The following PCSK5 variants were observed in gnomAD, a reference collection of about 807,000 sequenced individuals.
PCSK5 encodes the protein prohormone convertase 5.
In PCSK5, 129 loss-of-function variants were observed where a neutral mutation model predicts 233.2. That is an observed-to-expected ratio of 0.55 (90% CI 0.48 to 0.64). PCSK5 has a LOEUF of 0.64. PCSK5 is among the 30% of genes least tolerant of loss of function. The probability of loss-of-function intolerance (pLI) is 0.00; values close to 1 mark genes in which losing one functional copy is unlikely to be tolerated. For missense variants in PCSK5, 2,076 were observed against 2,430.1 expected, an observed-to-expected ratio of 0.85 and a Z score of 3.06; for synonymous variants, 825 against 879.2, an observed-to-expected ratio of 0.94 and a Z score of 1.09.
intron 4 of PCSK5, among the ~76,000 whole-genome samples, chr9:76,024,489 A>G (rs1385683111): frequency 3.3e-5 from 5 of 152,232 alleles, no homozygotes; most frequent in Non-Finnish European, 4.4e-5. Context: ...TGATAGGAGA[A>G]TAAACTGTAG....
At chr9:76,051,599 C>CAAA (rs553624468) in intron 5 of PCSK5, among the ~76,000 whole-genome samples, 2 of 143,116 alleles carry the variant, frequency 1.4e-5, no homozygotes, top group Admixed American at 1.4e-4. Flanking sequence ...GACAGATGTC[C>CAAA]AAAAAAAAAA....
At chr9:76,006,559 A>ACCGTTTCTGTCTCTTT in intron 3 of PCSK5, among the ~76,000 whole-genome samples, 1 of 151,970 alleles carries the variant, frequency 6.6e-6, no homozygotes, top group African/African-American at 2.4e-5. Flanking sequence ...ATCCTGTTTT[A>ACCGTTTCTGTCTCTTT]CCGTTTCTGT....
chr9:76,279,167 G>GT (rs905311547), intron 24 of PCSK5, among the ~76,000 whole-genome samples: 8 of 147,342 alleles, frequency 5.4e-5, no homozygotes, highest in African/African-American at 2.0e-4. Flanking sequence ...GCGGTGTTTG[G>GT]TTTTTTGTTC....
intron 1 of PCSK5, among the ~76,000 whole-genome samples, chr9:75,904,568 A>G (rs1160248943): frequency 6.6e-6 from 1 of 152,222 alleles, no homozygotes; most frequent in East Asian, 1.9e-4. Context: ...AGGGAAATGT[A>G]AGTCAAACCT....
Position 76,292,275 on chromosome 9 carries a change from G to A in PCSK5, c.3185G>A (p.Arg1062Lys), listed in dbSNP as rs1828303096. 1 of 1,557,548 alleles carries A rather than the reference G, an allele frequency of 6.4e-7. No homozygotes were observed. The highest frequency in any genetic ancestry group is 8.8e-7 in the Non-Finnish European group (1 of 1,130,212). ...TCTSCAMGYY[R>K]FDHHCYKTCP... ...ACATCTTGCGCTATGGGGTATTACA[G>A]GTAAGTCTGGTCTTCCTTTTCATGG... is the stretch of plus-strand genomic sequence containing the variant. The change falls in exon 25 of 38, where the codon AGG becomes AAG. Residue 1062 changes from arginine (R) to lysine (K), a missense_variant and splice_region_variant. This residue lies in a region of PCSK5 where 1,510 missense variants were observed against 1,538.1 expected (regional missense o/e 0.98). Coordinates refer to ENST00000674117, the MANE Select transcript of PCSK5 (RefSeq NM_001372043.1).
intron 1 of PCSK5, among the ~76,000 whole-genome samples, chr9:75,930,201 G>A (rs537286829): frequency 1.3e-5 from 2 of 152,210 alleles, no homozygotes; most frequent in East Asian, 1.9e-4. Context: ...AGAACAGTAT[G>A]GGGGGAACCC....
At chr9:76,089,586 A>T (rs1358044949) in intron 7 of PCSK5, among the ~76,000 whole-genome samples, 1 of 152,238 alleles carries the variant, frequency 6.6e-6, no homozygotes, top group Non-Finnish European at 1.5e-5. Flanking sequence ...GTATCCAGGC[A>T]CATATTAATA....
At chr9:76,125,691 A>G (rs921429838) in intron 9 of PCSK5, among the ~76,000 whole-genome samples, 1 of 152,196 alleles carries the variant, frequency 6.6e-6, no homozygotes, top group Non-Finnish European at 1.5e-5. Flanking sequence ...GTAGTAAGAA[A>G]GAGGGTTGTA....
intron 1 of PCSK5, among the ~76,000 whole-genome samples, chr9:75,929,706 A>G (rs1034528630): frequency 3.9e-5 from 6 of 152,140 alleles, no homozygotes; most frequent in Non-Finnish European, 7.3e-5. Context: ...GACAATTTAC[A>G]AAGGAAAGAG....
chr9:76,150,813 G>C (rs138793614), intron 10 of PCSK5, among the ~76,000 whole-genome samples: 3 of 152,056 alleles, frequency 2.0e-5, no homozygotes, highest in Admixed American at 6.6e-5. Context: ...ATAAGAGTAC[G>C]CGAAGAAGAG....
intron 24 of PCSK5, among the ~76,000 whole-genome samples, chr9:76,241,534 A>T (rs1009791924): frequency 6.6e-6 from 1 of 152,212 alleles, no homozygotes; most frequent in Non-Finnish European, 1.5e-5. Context: ...GTGGAGTTGA[A>T]TTCCCCATCA....
chr9:75,981,150 T>C (rs1024429104), intron 2 of PCSK5, among the ~76,000 whole-genome samples: 6 of 152,238 alleles, frequency 3.9e-5, no homozygotes, highest in Non-Finnish European at 8.8e-5. Context: ...ATTAATCTCG[T>C]ATCTTCACAG....
chr9:75,903,357 T>C (rs1206325438), intron 1 of PCSK5, among the ~76,000 whole-genome samples: 2 of 151,822 alleles, frequency 1.3e-5, no homozygotes, highest in Admixed American at 6.6e-5. Flanking sequence ...AAAAGAAGTA[T>C]TTAAGTTTCT....
Position 76,253,079 on chromosome 9 carries a change from GTGGCTGAT to G in PCSK5, c.3142+12398_3142+12405del, listed in dbSNP as rs554899910. Reference sequence around the variant, plus strand: ...TTTGTCTCCTTTAAATTGGAAGGAAGTGGCTGATTGTAAAACCGCTGCTCAGCATTCAT... The same window carrying G: ...TTTGTCTCCTTTAAATTGGAAGGAAGTGTAAAACCGCTGCTCAGCATTCAT... On this transcript the variant is annotated intron_variant, in intron 24 of 37. Coordinates refer to ENST00000674117, the MANE Select transcript of PCSK5 (RefSeq NM_001372043.1). 3.4e-4 allele frequency among the ~76,000 whole-genome samples: 52 copies of G among 152,284 alleles called. No homozygotes were observed. The East Asian group carries it at 0.01, about 29-fold the overall frequency.
chr9:76,064,124 T>C (rs1206473250), intron 5 of PCSK5, among the ~76,000 whole-genome samples: 1,625 of 61,346 alleles, frequency 0.026, 2 homozygotes, highest in East Asian at 0.048. Flanking sequence ...GGCGGCTGGC[T>C]GGGCGGAGGG....
At chr9:76,070,425 T>C (rs1564008673) in intron 6 of PCSK5, among the ~76,000 whole-genome samples, 1 of 152,198 alleles carries the variant, frequency 6.6e-6, no homozygotes, top group Non-Finnish European at 1.5e-5. Flanking sequence ...CCAAATGCAA[T>C]GTCTTTAGAG....
At chr9:76,076,262 T>C (rs911994861) in intron 7 of PCSK5, among the ~76,000 whole-genome samples, 5 of 152,056 alleles carry the variant, frequency 3.3e-5, no homozygotes, top group African/African-American at 1.2e-4. Flanking sequence ...GGGAGATGTG[T>C]TGGAGGGGAA....
chr9:75,948,317 C>T (rs920585346), intron 2 of PCSK5, among the ~76,000 whole-genome samples: 4 of 142,714 alleles, frequency 2.8e-5, no homozygotes, highest in African/African-American at 5.3e-5. Context: ...CTCGCCCCCC[C>T]ACCCCCCGAA....
chr9:76,130,902 A>G (rs2131739232), intron 9 of PCSK5, among the ~76,000 whole-genome samples: 1 of 152,242 alleles, frequency 6.6e-6, no homozygotes, highest in Middle Eastern at 3.4e-3. Flanking sequence ...TCTTTTCTCC[A>G]GGTGGGTTAG....
Sources: allele counts gnomAD v4.1 joint callset (sites outside exome capture counted in the v4.1 genomes callset), GRCh38; gene constraint gnomAD v4.1.1; regional missense constraint gnomAD v4.1.1; transcripts MANE v1.5; gene names NCBI Gene and HGNC (gene_info 2026-07-23, HGNC 2026-07-21).